The following MACF1 variants were observed in gnomAD, a reference collection of about 807,000 sequenced individuals.
MACF1 encodes microtubule actin crosslinking factor 1, also known as microtubule-actin cross-linking factor 1.
MACF1 carries 193 observed loss-of-function variants against 854.8 expected under a neutral mutation model. The ratio of observed to expected loss-of-function variants is 0.23; its 90% confidence interval spans 0.20 to 0.25. The LOEUF is 0.25. Ranked by LOEUF, MACF1 falls within the 10% of genes least tolerant of loss-of-function variation. The pLI is 1.00. For synonymous variants in MACF1, 3,185 were observed against 3,226.7 expected, an observed-to-expected ratio of 0.99 and a Z score of 0.44; for missense variants, 7,722 against 8,929.1, an observed-to-expected ratio of 0.86 and a Z score of 5.45.
chr1:39,462,939 A>G (rs1470555407), intron 93 of MACF1, among the ~76,000 whole-genome samples: 1 of 152,158 alleles, frequency 6.6e-6, no homozygotes, highest in Non-Finnish European at 1.5e-5. Flanking sequence ...ACTTCCAGGG[A>G]ATCTTGGGCT....
At chr1:39,375,402 T>C (rs1228611833) in intron 52 of MACF1, among the ~76,000 whole-genome samples, 3 of 151,806 alleles carry the variant, frequency 2.0e-5, no homozygotes, top group South Asian at 2.1e-4. Flanking sequence ...CCCAGGTTCA[T>C]GCCATTCTCC....
chr1:39,293,047 C>T (rs998583441), intron 17 of MACF1, among the ~76,000 whole-genome samples: 3 of 152,148 alleles, frequency 2.0e-5, no homozygotes, highest in South Asian at 2.1e-4. Context: ...TGTTCTTGAA[C>T]GTTTTAAATA....
chr1:39,468,500 A>T, intron 95 of MACF1, 115 bp from the exon 96 acceptor site: 1 of 770,260 alleles, frequency 1.3e-6, no homozygotes, highest in Non-Finnish European at 2.1e-6. Flanking sequence ...GAGAGTTAAC[A>T]ATTCTTCTGT....
chr1:39,400,385 T>C (rs901352210), intron 58 of MACF1, among the ~76,000 whole-genome samples: 3 of 152,182 alleles, frequency 2.0e-5, no homozygotes, highest in African/African-American at 7.2e-5. Context: ...TATCTAAAAG[T>C]ATTAGGCTTA....
At position 39,336,440 on chromosome 1, in the gene MACF1, T is replaced by C. The variant is rs772861977; in HGVS notation, c.9852T>C (p.Asn3284=). Residue 3284 remains asparagine, a synonymous_variant, in exon 37 of 101, where the codon AAT becomes AAC. Coordinates refer to ENST00000564288, the MANE Select transcript of MACF1 (RefSeq NM_001394062.1). ...KLFKGVSQKE[N]TGQQNAIISP... is the part of the protein sequence containing the mutation. ...TCAAAGGAGTGTCTCAAAAAGAGAA[T>C]ACAGGGCAACAGAATGCCATCATTA... 1.2e-6 allele frequency: 2 copies of C among 1,614,134 alleles called. No homozygotes were observed. Among genetic ancestry groups the C allele is most frequent in the Admixed American group, 1.7e-5 (1 of 60,024 alleles).
chr1:39,427,903 G>T, intron 62 of MACF1, 58 bp from the exon 63 acceptor site: 1 of 1,292,816 alleles, frequency 7.7e-7, no homozygotes, highest in South Asian at 1.4e-5. Context: ...TCATCATTTT[G>T]TGTTTACTTT....
At chr1:39,152,077 C>T (rs1055337805) in intron 2 of MACF1, among the ~76,000 whole-genome samples, 3 of 152,144 alleles carry the variant, frequency 2.0e-5, no homozygotes, top group Middle Eastern at 3.4e-3. Context: ...CAGGTTCAAG[C>T]GATTCTCCTG....
chr1:39,326,766 G>A (rs1342518753), intron 35 of MACF1, among the ~76,000 whole-genome samples: 1 of 151,716 alleles, frequency 6.6e-6, no homozygotes, highest in Non-Finnish European at 1.5e-5. Context: ...AATGAAAGCT[G>A]GATAGCTAGA....
intron 2 of MACF1, among the ~76,000 whole-genome samples, chr1:39,167,944 GGA>G (rs1436507009): frequency 1.3e-5 from 2 of 152,134 alleles, no homozygotes; most frequent in Non-Finnish European, 2.9e-5. Context: ...AGCTGGAACT[GGA>G]GATCCACTTT....
rs1283026340 is a variant in MACF1, at chr1:39,145,030, C to CT, written c.220+60600dup. Among the ~76,000 whole-genome samples, 3 of 152,030 alleles carry CT rather than the reference C, an allele frequency of 2.0e-5. No homozygotes were observed. In the East Asian group the frequency reaches 5.8e-4, roughly 29 times the overall value. On this transcript the variant is annotated intron_variant, in intron 2 of 93. Coordinates refer to the MACF1 transcript ENST00000361689. Reference sequence around the variant, plus strand: ...GGCTCGTACTGGCATTCTCAGATCTCTTTTTTTTCTTCCACGCCTTTTCTA... The same window carrying CT: ...GGCTCGTACTGGCATTCTCAGATCTCTTTTTTTTTCTTCCACGCCTTTTCTA...
chr1:39,469,801 A>G (rs1448649724), intron 97 of MACF1, among the ~76,000 whole-genome samples, 186 bp downstream of exon 97: 1 of 152,228 alleles, frequency 6.6e-6, no homozygotes, highest in Non-Finnish European at 1.5e-5. Flanking sequence ...GACAGTGTCC[A>G]TGGAATTTGT....
chr1:39,288,525 C>T (rs1297977915), intron 15 of MACF1, among the ~76,000 whole-genome samples: 3 of 146,088 alleles, frequency 2.1e-5, no homozygotes, highest in Non-Finnish European at 3.0e-5. Flanking sequence ...ACAGGCTGGG[C>T]GTGGTAGCTC....
In MACF1 at chr1:39,443,724, G is replaced by A. The variant is rs1644165883; in HGVS notation, c.19431+150G>A. The A allele has an allele frequency of 8.1e-6, 7 of 866,610 alleles. No homozygotes were observed. The South Asian group carries it at 1.2e-4, about 15-fold the overall frequency. The allele number at this position is 866,610 out of a possible 1,614,324, so 53.7% of individuals were successfully genotyped here. ...GTATAACCTTTGGGGATTGCTGCCT[G>A]TTACAGGCTTCTAATACCTTACAGT... On this transcript the variant is annotated intron_variant, in intron 79 of 100. Coordinates refer to ENST00000564288, the MANE Select transcript of MACF1 (RefSeq NM_001394062.1).
chr1:39,220,822 A>G (rs1405054011), intron 1 of MACF1, among the ~76,000 whole-genome samples: 1 of 152,152 alleles, frequency 6.6e-6, no homozygotes, highest in Non-Finnish European at 1.5e-5. Flanking sequence ...TCTTGACTTG[A>G]AAGAGCTCAA....
chr1:39,334,240 C>T lies in MACF1; in HGVS notation c.7652C>T (p.Thr2551Met), dbSNP rs75770915. The change falls in exon 37 of 101, where the codon ACG (threonine) becomes ATG (methionine). Residue 2551 changes from threonine to methionine, a missense_variant. Transcript: ENST00000564288. ...LNIHQIFNPETKENISLPKAI... is the reference protein window; with the variant it reads ...LNIHQIFNPEMKENISLPKAI... Reference sequence around the variant, plus strand: ...ATCCATCAGATTTTTAATCCTGAAACGAAGGAAAATATTTCCCTCCCTAAA... The same window carrying T: ...ATCCATCAGATTTTTAATCCTGAAATGAAGGAAAATATTTCCCTCCCTAAA... The T allele has an allele frequency of 0.045, 72,218 of 1,613,754 alleles. 1,878 individuals are homozygous for T. The highest frequency in any genetic ancestry group is 0.099 in the African/African-American group (7,385 of 74,934).
At chr1:39,263,012 A>G (rs1251254019) in intron 6 of MACF1, among the ~76,000 whole-genome samples, 1 of 130,108 alleles carries the variant, frequency 7.7e-6, no homozygotes, top group Non-Finnish European at 1.5e-5. Flanking sequence ...TTGGCATGGT[A>G]TGTCTTTTGC....
chr1:39,334,558 A>G lies in MACF1; in HGVS notation c.7970A>G (p.Asp2657Gly), dbSNP rs1456127015. Reference protein sequence around the residue: ...LEVIPFSDIKDGVSDKVLTLS... With the variant: ...LEVIPFSDIKGGVSDKVLTLS... Reference sequence around the variant, plus strand: ...GTAATTCCCTTCTCAGACATTAAAGATGGGGTGAGCGACAAAGTGCTTACA... The same window carrying G: ...GTAATTCCCTTCTCAGACATTAAAGGTGGGGTGAGCGACAAAGTGCTTACA... The change falls in exon 37 of 101, where the codon GAT becomes GGT. Residue 2657 changes from aspartate to glycine, a missense_variant. Transcript: ENST00000564288. The G allele has an allele frequency of 1.2e-6, 2 of 1,614,156 alleles. No individual in the cohort carries two copies. The highest frequency in any genetic ancestry group is 8.5e-7 in the Non-Finnish European group (1 of 1,180,020).
At chr1:39,218,805 C>A (rs1440725694) in intron 1 of MACF1, among the ~76,000 whole-genome samples, 1 of 152,040 alleles carries the variant, frequency 6.6e-6, no homozygotes, top group East Asian at 1.9e-4. Context: ...AGACAGAGTC[C>A]TGCTTTGCTC....
rs541776198 is a variant in MACF1, at chr1:39,303,552, CA to C, written c.2789+486del. Among the ~76,000 whole-genome samples, 705 of 138,612 alleles carry C rather than the reference CA, an allele frequency of 5.1e-3. 2 individuals are homozygous for C. The highest frequency in any genetic ancestry group is 8.3e-3 in the Non-Finnish European group (529 of 63,954). 90.9% of individuals were successfully genotyped at this position (138,612 alleles called of 152,430 possible). A position where few individuals can be genotyped will look rare whatever the true frequency, so the allele number is the denominator to read the frequency against. On this transcript the variant is annotated intron_variant, in intron 23 of 100. Coordinates refer to ENST00000564288, the MANE Select transcript of MACF1 (RefSeq NM_001394062.1). ...TGGGCAACAGAGCGAGACTCTGTCTCAAAAAAAAAAAAGATTGGGCTGGGCA... is the reference window on the plus strand; with the variant it reads ...TGGGCAACAGAGCGAGACTCTGTCTCAAAAAAAAAAAGATTGGGCTGGGCA...
Sources: gnomAD v4.1 joint callset for allele counts (sites outside exome capture counted in the v4.1 genomes callset) on GRCh38, gnomAD v4.1.1 for gene constraint, MANE v1.5 for transcripts, NCBI Gene and HGNC (gene_info 2026-07-23, HGNC 2026-07-21) for gene names.